Variants in KCNK13 observed in about 807,000 individuals in gnomAD.
KCNK13 encodes potassium channel subfamily K member 13.
KCNK13 carries 12 observed loss-of-function variants against 23.4 expected under a neutral mutation model. The observed-to-expected ratio is 0.51, with a 90% CI of 0.33 to 0.83. The LOEUF (loss-of-function observed/expected upper bound fraction) is 0.83. KCNK13 is among the 40% of genes least tolerant of loss of function. KCNK13 has a pLI of 0.02. For missense variants in KCNK13, 463 were observed against 556.3 expected, an observed-to-expected ratio of 0.83 and a Z score of 1.69; for synonymous variants, 231 against 229.5, an observed-to-expected ratio of 1.01 and a Z score of -0.06.
intron 1 of KCNK13, among the ~76,000 whole-genome samples, chr14:90,103,275 A>T (rs143163790): frequency 1.3e-5 from 2 of 152,276 alleles, no homozygotes; most frequent in African/African-American, 2.4e-5. Context: ...TTGAAAAATG[A>T]TCTGTTTTCC....
At chr14:90,068,317 C>T (rs1889032096) in intron 1 of KCNK13, among the ~76,000 whole-genome samples, 1 of 151,892 alleles carries the variant, frequency 6.6e-6, no homozygotes, top group Non-Finnish European at 1.5e-5. Flanking sequence ...GTGTTGGGCC[C>T]AGCGGGGTGG....
chr14:90,079,706 C>A (rs1183621423), intron 1 of KCNK13, among the ~76,000 whole-genome samples: 1 of 152,190 alleles, frequency 6.6e-6, no homozygotes, highest in African/African-American at 2.4e-5. Context: ...CACACGGCTG[C>A]AAGAATGGCT....
intron 1 of KCNK13, among the ~76,000 whole-genome samples, chr14:90,162,981 G>A (rs1157024283): frequency 3.3e-5 from 5 of 152,100 alleles, no homozygotes; most frequent in Admixed American, 6.6e-5. Context: ...AAGCAGGCAA[G>A]TCACAGAAGA....
chr14:90,086,896 G>A (rs1889281962), intron 1 of KCNK13, among the ~76,000 whole-genome samples: 1 of 151,866 alleles, frequency 6.6e-6, no homozygotes, highest in Admixed American at 6.6e-5. Flanking sequence ...TAACCCCTGA[G>A]GGACTAACCT....
intron 1 of KCNK13, among the ~76,000 whole-genome samples, chr14:90,101,631 T>C (rs1233022835): frequency 6.6e-6 from 1 of 150,716 alleles, no homozygotes; most frequent in East Asian, 2.0e-4. Context: ...TCTACTAAAA[T>C]ACAAAAAAAT....
chr14:90,101,350 C>A (rs1253444865), intron 1 of KCNK13, among the ~76,000 whole-genome samples: 7 of 152,094 alleles, frequency 4.6e-5, no homozygotes, highest in Non-Finnish European at 1.0e-4. Flanking sequence ...TGTCCCGGAC[C>A]AGAGTGTTGT....
At chr14:90,120,242 G>C (rs1889722260) in intron 1 of KCNK13, among the ~76,000 whole-genome samples, 1 of 152,146 alleles carries the variant, frequency 6.6e-6, no homozygotes, top group Non-Finnish European at 1.5e-5. Flanking sequence ...CAAAAGATGT[G>C]ATCTTATTCT....
intron 1 of KCNK13, among the ~76,000 whole-genome samples, chr14:90,158,065 C>G (rs553844881): frequency 1.3e-5 from 2 of 152,346 alleles, no homozygotes; most frequent in South Asian, 4.1e-4. Flanking sequence ...GGAACTCCTG[C>G]TGGTGGTGCT....
chr14:90,104,794 T>TTC (rs1555402439), intron 1 of KCNK13, among the ~76,000 whole-genome samples: 1 of 139,052 alleles, frequency 7.2e-6, no homozygotes, highest in African/African-American at 2.6e-5. Flanking sequence ...TTCTTTTCTT[T>TTC]TTTTTTTTTT....
intron 1 of KCNK13, among the ~76,000 whole-genome samples, chr14:90,096,398 A>G (rs547948686): frequency 2.1e-4 from 32 of 152,376 alleles, no homozygotes; most frequent in Non-Finnish European, 3.2e-4. Context: ...TTTAAGAGTT[A>G]TACATCAGGA....
At chr14:90,177,163 C>T (rs2140447118) in intron 1 of KCNK13, 1 of 152,308 alleles carries the variant, frequency 6.6e-6, no homozygotes, top group East Asian at 1.9e-4. Context: ...CAACTGCACT[C>T]CAGCCTGAGT....
In KCNK13 at chr14:90,138,583, A is replaced by G. The variant is rs191780523; in HGVS notation, c.335-45528A>G. Among the ~76,000 whole-genome samples the G allele has an allele frequency of 2.6e-5, 4 of 152,344 alleles. 1 individual carries two copies. The East Asian group carries it at 7.7e-4, about 29-fold the overall frequency. Reference sequence around the variant, plus strand: ...CCCTATTTACCATGGATAATTGAGAATTTATATAAAATGTCAGAGAAGGGA... The same window carrying G: ...CCCTATTTACCATGGATAATTGAGAGTTTATATAAAATGTCAGAGAAGGGA... On this transcript the variant is annotated intron_variant, in intron 1 of 1. Coordinates refer to ENST00000282146, the MANE Select transcript of KCNK13 (RefSeq NM_022054.4).
chr14:90,146,664 T>A (rs1382804295), intron 1 of KCNK13, among the ~76,000 whole-genome samples: 1 of 152,160 alleles, frequency 6.6e-6, no homozygotes, highest in Non-Finnish European at 1.5e-5. Context: ...TGTGTCTTTA[T>A]ACTTAAAAAT....
At chr14:90,077,097 G>T (rs1359807167) in intron 1 of KCNK13, among the ~76,000 whole-genome samples, 4 of 144,778 alleles carry the variant, frequency 2.8e-5, no homozygotes, top group Non-Finnish European at 4.5e-5. Flanking sequence ...GGGATTACAG[G>T]CATGAGCCAC....
intron 1 of KCNK13, among the ~76,000 whole-genome samples, chr14:90,158,475 C>G (rs1890218832): frequency 6.6e-6 from 1 of 152,236 alleles, no homozygotes; most frequent in Non-Finnish European, 1.5e-5. Context: ...CCGTGGCCAC[C>G]TCTTGGCCAA....
chr14:90,164,596 G>A (rs972667155), intron 1 of KCNK13, among the ~76,000 whole-genome samples: 1 of 152,196 alleles, frequency 6.6e-6, no homozygotes, highest in African/African-American at 2.4e-5. Context: ...ACATTTCTTG[G>A]AGTTTGTAGG....
chr14:90,107,945 T>C, intron 1 of KCNK13: 11 of 740,096 alleles, frequency 1.5e-5, no homozygotes, highest in Non-Finnish European at 2.8e-5. Flanking sequence ...CACTATGCAA[T>C]AGAGTGGGGA....
At chr14:90,092,134 G>A (rs952556726) in intron 1 of KCNK13, among the ~76,000 whole-genome samples, 1 of 152,078 alleles carries the variant, frequency 6.6e-6, no homozygotes, top group South Asian at 2.1e-4. Flanking sequence ...ATGTTAGCCA[G>A]GATGGTCTCC....
chr14:90,094,709 G>T (rs192607188), intron 1 of KCNK13, among the ~76,000 whole-genome samples: 5 of 142,026 alleles, frequency 3.5e-5, no homozygotes, highest in Admixed American at 1.5e-4. Context: ...GTGCAGTGGC[G>T]CGATCTCGGC....
Sources: allele counts gnomAD v4.1 joint callset (sites outside exome capture counted in the v4.1 genomes callset), GRCh38; gene constraint gnomAD v4.1.1; transcripts MANE v1.5; gene names NCBI Gene and HGNC (gene_info 2026-07-23, HGNC 2026-07-21).